DGKB: variants seen among roughly 807,000 people sequenced by gnomAD.
DGKB encodes diacylglycerol kinase beta.
A neutral mutation model predicts 114.3 loss-of-function variants in DGKB; 67 were observed. The observed-to-expected ratio is 0.59, with a 90% CI of 0.48 to 0.72. DGKB has a LOEUF of 0.72. Among genes scored for constraint, DGKB ranks in the 30% least tolerant of loss-of-function variants. DGKB has a pLI of 0.00. For missense variants in DGKB, 907 were observed against 975.2 expected (o/e 0.93, Z 0.93); for synonymous variants, 398 against 323.1 (o/e 1.23, Z -2.49).
chr7:14,258,534 A>C (rs1386040726), intron 23 of DGKB, among the ~76,000 whole-genome samples: 1 of 152,214 alleles, frequency 6.6e-6, no homozygotes, highest in African/African-American at 2.4e-5. Context: ...TTCCTTGCAT[A>C]ATCCAAGAAC....
intron 2 of DGKB, among the ~76,000 whole-genome samples, chr7:14,773,890 T>G (rs1231819947): frequency 1.3e-5 from 2 of 151,350 alleles, no homozygotes; most frequent in African/African-American, 2.5e-5. Flanking sequence ...CCACATTGCC[T>G]TTTAAGTGTT....
upstream of DGKB, among the ~76,000 whole-genome samples, chr7:14,905,209 T>C (rs562764858): frequency 6.6e-6 from 1 of 150,378 alleles, no homozygotes; most frequent in Non-Finnish European, 1.5e-5. Flanking sequence ...GATGTTAAAA[T>C]AATTGGTAAT....
At chr7:14,519,299 T>A (rs925398501) in intron 20 of DGKB, among the ~76,000 whole-genome samples, 62 of 152,218 alleles carry the variant, frequency 4.1e-4, no homozygotes, top group Middle Eastern at 6.8e-3. Context: ...AATTTTTTTC[T>A]GTATAAATGG....
intron 12 of DGKB, among the ~76,000 whole-genome samples, chr7:14,675,641 C>T (rs571047630): frequency 2.6e-5 from 4 of 151,494 alleles, no homozygotes; most frequent in Non-Finnish European, 2.9e-5. Context: ...GTTTGATTGC[C>T]GCTGTGGTCC....
At chr7:14,536,723 T>C (rs1792559100) in intron 20 of DGKB, among the ~76,000 whole-genome samples, 1 of 152,058 alleles carries the variant, frequency 6.6e-6, no homozygotes. Flanking sequence ...AAAATCATAC[T>C]CAACAGAGAA....
chr7:14,231,100 TTTCTTTCTTTC>T (rs1231795390), intron 23 of DGKB, among the ~76,000 whole-genome samples: 1 of 117,370 alleles, frequency 8.5e-6, no homozygotes, highest in Non-Finnish European at 1.8e-5. Flanking sequence ...TCTTTCTTTC[TTTCTTTCTTTC>T]TTTCTTTCTT....
intron 6 of DGKB, among the ~76,000 whole-genome samples, chr7:14,710,363 G>A (rs1189101267): frequency 6.6e-6 from 1 of 151,984 alleles, no homozygotes; most frequent in East Asian, 1.9e-4. Flanking sequence ...CTACCTTGTA[G>A]GCATAGATCT....
In DGKB at chr7:14,853,142, T is replaced by C. The variant is rs140453186; in HGVS notation, c.-187-11692A>G. On this transcript the variant is annotated intron_variant, in intron 1 of 25. Coordinates refer to ENST00000402815, the MANE Select transcript of DGKB (RefSeq NM_001350709.2). ...CAAAATTGCCTAAGGAAAATCACTA[T>C]TGAAGCACGCGAGGGACTTTTTTAC... is the stretch of plus-strand genomic sequence containing the variant. 5.9e-5 allele frequency among the ~76,000 whole-genome samples: 9 copies of C among 152,280 alleles called. 1 individual carries two copies. The highest frequency in any genetic ancestry group is 1.0e-4 in the Non-Finnish European group (7 of 68,020).
At chr7:14,398,072 T>C (rs945106479) in intron 21 of DGKB, among the ~76,000 whole-genome samples, 1 of 152,112 alleles carries the variant, frequency 6.6e-6, no homozygotes, top group Non-Finnish European at 1.5e-5. Context: ...AAGGATGTTT[T>C]ACGCATTGGA....
chr7:14,964,512 A>C (rs934831045), intron 1 of DGKB, among the ~76,000 whole-genome samples: 1 of 152,186 alleles, frequency 6.6e-6, no homozygotes, highest in South Asian at 2.1e-4. Context: ...AAATAAATAA[A>C]TAAGATAAAT....
chr7:14,379,071 C>T (rs1198433697), intron 21 of DGKB, among the ~76,000 whole-genome samples: 1 of 151,084 alleles, frequency 6.6e-6, no homozygotes, highest in Non-Finnish European at 1.5e-5. Flanking sequence ...TACCAACATC[C>T]TTTTTTGAGA....
At chr7:14,211,261 C>G in intron 23 of DGKB, among the ~76,000 whole-genome samples, 1 of 147,986 alleles carries the variant, frequency 6.8e-6, no homozygotes, top group African/African-American at 2.6e-5. Context: ...ATTACTTCCT[C>G]ATGAAGTCTC....
intron 25 of DGKB, among the ~76,000 whole-genome samples, chr7:14,159,817 C>T (rs1232408724): frequency 1.3e-5 from 2 of 151,976 alleles, no homozygotes; most frequent in East Asian, 1.9e-4. Flanking sequence ...GAATTATAGG[C>T]GTCCACCACC....
chr7:14,406,254 A>G (rs540969899), intron 21 of DGKB, among the ~76,000 whole-genome samples: 1 of 152,124 alleles, frequency 6.6e-6, no homozygotes, highest in African/African-American at 2.4e-5. Context: ...TCAATCTCCA[A>G]CACACCCAGT....
intron 23 of DGKB, among the ~76,000 whole-genome samples, chr7:14,328,873 G>A (rs1227578834): frequency 6.6e-6 from 1 of 151,882 alleles, no homozygotes; most frequent in East Asian, 1.9e-4. Context: ...CTGTACAACA[G>A]CTAACAAACC....
chr7:14,498,421 T>C (rs532166546), intron 20 of DGKB, among the ~76,000 whole-genome samples: 1 of 151,896 alleles, frequency 6.6e-6, no homozygotes, highest in East Asian at 1.9e-4. Context: ...AGGTAAAAAG[T>C]CATCAAATTT....
At chr7:14,661,305 T>C (rs1401846868) in intron 13 of DGKB, among the ~76,000 whole-genome samples, 2 of 146,766 alleles carry the variant, frequency 1.4e-5, no homozygotes, top group African/African-American at 5.0e-5. Flanking sequence ...AACCTACTCA[T>C]CTGACAAAGG....
At chr7:14,900,579 C>A (rs1345570736) in intron 1 of DGKB, among the ~76,000 whole-genome samples, 4 of 152,092 alleles carry the variant, frequency 2.6e-5, no homozygotes, top group Admixed American at 2.6e-4. Flanking sequence ...TCCGTTCTTT[C>A]AATAGTGTGC....
intron 21 of DGKB, among the ~76,000 whole-genome samples, chr7:14,457,214 TA>T (rs1368527825): frequency 6.6e-6 from 1 of 152,172 alleles, no homozygotes; most frequent in African/African-American, 2.4e-5. Context: ...AGAGGGTATG[TA>T]AAAAGGACTG....
Sources: gnomAD v4.1 joint callset for allele counts (sites outside exome capture counted in the v4.1 genomes callset) on GRCh38, gnomAD v4.1.1 for gene constraint, MANE v1.5 for transcripts, NCBI Gene and HGNC (gene_info 2026-07-23, HGNC 2026-07-21) for gene names.